RAPGEF4: variants seen among roughly 807,000 people sequenced by gnomAD.
RAPGEF4 encodes Rap guanine nucleotide exchange factor 4.
In RAPGEF4, 66 loss-of-function variants were observed where a neutral mutation model predicts 147.9. The observed-to-expected ratio is 0.45, with a 90% confidence interval of 0.37 to 0.55. The LOEUF is 0.55. Among genes scored for constraint, RAPGEF4 ranks in the 20% least tolerant of loss-of-function variants. The probability of loss-of-function intolerance (pLI) is 0.00; values close to 1 mark genes in which losing one functional copy is unlikely to be tolerated. For missense variants in RAPGEF4, 1,071 were observed against 1,257.3 expected (o/e 0.85, Z 2.24); for synonymous variants, 419 against 442.7 (o/e 0.95, Z 0.67).
intron 17 of RAPGEF4, 65 bp from the exon 18 acceptor site, chr2:173,014,399 A>G: frequency 6.3e-7 from 1 of 1,599,230 alleles, no homozygotes; most frequent in Non-Finnish European, 8.6e-7. Context: ...GTCACTCTTT[A>G]CCTTTGAAAG....
chr2:172,956,750 G>T (rs185855471), intron 6 of RAPGEF4, among the ~76,000 whole-genome samples: 4 of 152,316 alleles, frequency 2.6e-5, no homozygotes, highest in African/African-American at 9.6e-5. Context: ...GATTACAGGC[G>T]TGAGCCACTG....
intron 4 of RAPGEF4, among the ~76,000 whole-genome samples, chr2:172,881,527 T>C (rs1696626160): frequency 6.6e-6 from 1 of 152,234 alleles, no homozygotes; most frequent in East Asian, 1.9e-4. Context: ...TGGACTGAGC[T>C]AGAAGTTTTA....
At chr2:173,026,194 C>A (rs1223750820) in intron 23 of RAPGEF4, among the ~76,000 whole-genome samples, 1 of 152,226 alleles carries the variant, frequency 6.6e-6, no homozygotes, top group Non-Finnish European at 1.5e-5. Flanking sequence ...TGCTTTACAG[C>A]AGCTTCAGTG....
intron 4 of RAPGEF4, among the ~76,000 whole-genome samples, chr2:172,914,618 G>GAGAGAA (rs1390008519): frequency 7.2e-6 from 1 of 139,404 alleles, no homozygotes; most frequent in Non-Finnish European, 1.7e-5. Context: ...AAGAGAAAGA[G>GAGAGAA]AGAGAAAGAG....
chr2:172,994,162 G>A (rs1233949451), intron 15 of RAPGEF4, among the ~76,000 whole-genome samples: 3 of 152,300 alleles, frequency 2.0e-5, no homozygotes, highest in South Asian at 4.1e-4. Flanking sequence ...CTGGTGCCAC[G>A]CGAAGTAACA....
chr2:172,879,555 C>T (rs1313207362), intron 4 of RAPGEF4, among the ~76,000 whole-genome samples: 1 of 152,140 alleles, frequency 6.6e-6, no homozygotes, highest in African/African-American at 2.4e-5. Flanking sequence ...GGATGAATTA[C>T]TTTGGGAGGC....
At chr2:172,885,299 T>C (rs1697075756) in intron 4 of RAPGEF4, among the ~76,000 whole-genome samples, 2 of 152,270 alleles carry the variant, frequency 1.3e-5, no homozygotes, top group South Asian at 4.1e-4. Flanking sequence ...ACTTTCCTCC[T>C]CCCTGCCTCA....
chr2:173,015,529 G>C (rs1289423540), intron 18 of RAPGEF4, among the ~76,000 whole-genome samples: 1 of 152,208 alleles, frequency 6.6e-6, no homozygotes, highest in African/African-American at 2.4e-5. Context: ...AAGATGGACC[G>C]AGAGCATCCC....
chr2:173,016,818 G>A (rs1695549686), intron 19 of RAPGEF4, among the ~76,000 whole-genome samples: 1 of 152,222 alleles, frequency 6.6e-6, no homozygotes, highest in South Asian at 2.1e-4. Flanking sequence ...AAAGCTGTTG[G>A]TGGTGAATAT....
At chr2:172,857,207 G>A (rs779440402) in intron 4 of RAPGEF4, among the ~76,000 whole-genome samples, 9 of 150,102 alleles carry the variant, frequency 6.0e-5, no homozygotes, top group Middle Eastern at 3.2e-3. Context: ...CACACAGAGC[G>A]AGTCTTAGTA....
intron 4 of RAPGEF4, among the ~76,000 whole-genome samples, chr2:172,881,297 A>G (rs140413348): frequency 2.0e-4 from 31 of 152,312 alleles, no homozygotes; most frequent in African/African-American, 5.8e-4. Context: ...ACTACCAAGT[A>G]TGTTATAATT....
intron 8 of RAPGEF4, among the ~76,000 whole-genome samples, chr2:172,963,330 T>G (rs1325881421): frequency 6.6e-6 from 1 of 152,196 alleles, no homozygotes; most frequent in Non-Finnish European, 1.5e-5. Flanking sequence ...AATAAATCAA[T>G]GTGTCATATG....
Position 172,764,274 on chromosome 2 carries a change from G to A in RAPGEF4, c.65+28226G>A, listed in dbSNP as rs577848533. 1.5e-4 allele frequency among the ~76,000 whole-genome samples: 22 copies of A among 151,636 alleles called. No individual in the cohort carries two copies. The East Asian group carries it at 3.5e-3, about 24-fold the overall frequency. On this transcript the variant is annotated intron_variant, in intron 1 of 30. Transcript: ENST00000397081. ...TCTCAAAAAAAAAAAAAGAAAGAAA[G>A]TAGTACTGTCATTTCATGATTCAAG...
intron 4 of RAPGEF4, among the ~76,000 whole-genome samples, chr2:172,876,618 A>G (rs1358573503): frequency 6.6e-6 from 1 of 152,136 alleles, no homozygotes; most frequent in Non-Finnish European, 1.5e-5. Context: ...CATGGTGGAT[A>G]AGCTTTTTGA....
chr2:172,977,995 G>T lies in RAPGEF4; in HGVS notation c.1005-5501G>T, dbSNP rs182340577. ...CTGTGCTTCTCTTTTTTTCTTTGCA[G>T]CTTGAATGTTGTTTAGGATTCAGAA... On this transcript the variant is annotated intron_variant, in intron 10 of 30. Transcript: ENST00000397081. 1.1e-4 allele frequency among the ~76,000 whole-genome samples: 16 copies of T among 152,210 alleles called. No homozygotes were observed. The South Asian group carries it at 1.5e-3, about 14-fold the overall frequency.
chr2:172,887,914 TTCTAGGCTCCCA>T (rs1297830591), intron 4 of RAPGEF4, among the ~76,000 whole-genome samples: 2 of 152,216 alleles, frequency 1.3e-5, no homozygotes, highest in African/African-American at 4.8e-5. Flanking sequence ...TTTTTTCCTC[TTCTAGGCTCCCA>T]CAGCACTTTG....
At chr2:172,856,974 C>A (rs879639337) in intron 4 of RAPGEF4, among the ~76,000 whole-genome samples, 1 of 114,324 alleles carries the variant, frequency 8.7e-6, no homozygotes, top group Non-Finnish European at 1.7e-5. Flanking sequence ...ACCCACCCCC[C>A]GCCCGCCTTT....
At chr2:173,032,929 T>C (rs1002935092) in intron 26 of RAPGEF4, among the ~76,000 whole-genome samples, 2 of 152,198 alleles carry the variant, frequency 1.3e-5, no homozygotes, top group Non-Finnish European at 2.9e-5. Flanking sequence ...GGTTGGTTGA[T>C]GAGTTCCTAG....
At chr2:173,032,591 G>A (rs1467116748) in intron 26 of RAPGEF4, among the ~76,000 whole-genome samples, 3 of 152,156 alleles carry the variant, frequency 2.0e-5, no homozygotes, top group Admixed American at 1.3e-4. Context: ...TCTGTGTGGG[G>A]TGAGATCCTG....
Sources: allele counts gnomAD v4.1 joint callset (sites outside exome capture counted in the v4.1 genomes callset), GRCh38; gene constraint gnomAD v4.1.1; transcripts MANE v1.5; gene names NCBI Gene and HGNC (gene_info 2026-07-23, HGNC 2026-07-21).